The following TANGO6 variants were observed in gnomAD, a reference collection of about 807,000 sequenced individuals.
TANGO6 encodes the protein transport and Golgi organization protein 6 homolog.
In TANGO6, 90 loss-of-function variants were observed where a neutral mutation model predicts 114.2. That is an observed-to-expected ratio of 0.79 (90% CI 0.66 to 0.94). The LOEUF is 0.94. TANGO6 is among the 40% of genes least tolerant of loss of function. The pLI is 0.00. For synonymous variants in TANGO6, 477 were observed against 509.8 expected (o/e 0.94, Z 0.87); for missense variants, 1,274 against 1,315.3 (o/e 0.97, Z 0.49).
rs891682315 is a variant in TANGO6 at position 68,860,288 on chromosome 16, G to C, written c.499G>C (p.Val167Leu). The stretch of plus-strand genomic sequence containing the variant: ...CCCCTATCTCATGCCTGGTGTTGGA[G>C]TCCCTTTGAGATATAGAACTGAATT... ...ICPYLMPGVGVPLRYRTEFGA... is the reference protein window; with the variant it reads ...ICPYLMPGVGLPLRYRTEFGA... Residue 167 changes from valine (V) to leucine (L), a missense_variant, in exon 2 of 18, where the codon GTC (valine) becomes CTC (leucine). Val to Leu is a conservative substitution (Grantham distance 32). Transcript: ENST00000261778. 4 of 1,613,970 alleles carry C rather than the reference G, an allele frequency of 2.5e-6. No homozygotes were observed. The highest frequency in any genetic ancestry group is 3.4e-6 in the Non-Finnish European group (4 of 1,179,896).
chr16:68,934,669 A>T (rs552592114), intron 14 of TANGO6, among the ~76,000 whole-genome samples: 1 of 152,312 alleles, frequency 6.6e-6, no homozygotes, highest in East Asian at 1.9e-4. Flanking sequence ...AAGTGCTTAT[A>T]ATTCAGAAGT....
intron 17 of TANGO6, among the ~76,000 whole-genome samples, chr16:69,049,270 T>A (rs1332393116): frequency 5.3e-5 from 8 of 149,854 alleles, no homozygotes; most frequent in Non-Finnish European, 5.9e-5. Context: ...CCCAAGCCCC[T>A]AGCAATCACT....
chr16:68,880,442 T>C, intron 6 of TANGO6, 106 bp from the exon 7 acceptor site: 1 of 651,574 alleles, frequency 1.5e-6, no homozygotes, highest in Non-Finnish European at 2.6e-6. Flanking sequence ...TGATCTTAGG[T>C]GTTACTTACT....
In TANGO6 at chr16:68,878,235, C is replaced by T; in HGVS notation, c.1249C>T (p.Leu417Phe). 1.2e-6 allele frequency: 2 copies of T among 1,613,026 alleles called. No homozygotes were observed. Among genetic ancestry groups the T allele is most frequent in the Non-Finnish European group, 1.7e-6 (2 of 1,179,522 alleles). Residue 417 changes from leucine (L) to phenylalanine (F), a missense_variant, in exon 6 of 18, where the codon CTC (leucine) becomes TTC (phenylalanine). By Grantham distance (22) the Leu-to-Phe change is conservative. This residue lies in a region of TANGO6 where 908 missense variants were observed against 910.2 expected (regional missense o/e 1.00). Coordinates refer to ENST00000261778, the MANE Select transcript of TANGO6 (RefSeq NM_024562.2). Reference protein sequence around the residue: ...ERPHLAAKYLLQPVLAPLHRC... With the variant: ...ERPHLAAKYLFQPVLAPLHRC... ...CCCACATTTGGCAGCAAAGTATTTG[C>T]TCCAGCCAGTGTTAGCTCCTCTTCA...
chr16:69,018,565 C>A (rs1171036995), intron 15 of TANGO6, among the ~76,000 whole-genome samples: 1 of 151,902 alleles, frequency 6.6e-6, no homozygotes, highest in Non-Finnish European at 1.5e-5. Context: ...AAGTTAACTC[C>A]TTTGTCTTAG....
Position 68,985,980 on chromosome 16 carries a change from G to A in TANGO6, c.2842+11812G>A, listed in dbSNP as rs553051623. On this transcript the variant is annotated intron_variant, in intron 15 of 17. Coordinates refer to ENST00000261778, the MANE Select transcript of TANGO6 (RefSeq NM_024562.2). ...CCCAGAATCAAGGAACCTGTCAGGG[G>A]AGGTGGGTGGGTGGAAGAGGGGAGA... 3.9e-5 allele frequency among the ~76,000 whole-genome samples: 6 copies of A among 152,284 alleles called. No individual in the cohort carries two copies. In the East Asian group the frequency reaches 1.2e-3, roughly 29 times the overall value.
At chr16:69,073,573 G>C (rs974705995) in intron 17 of TANGO6, among the ~76,000 whole-genome samples, 1 of 152,218 alleles carries the variant, frequency 6.6e-6, no homozygotes, top group Non-Finnish European at 1.5e-5. Context: ...GGCAATAGCG[G>C]TGGAGAGTCA....
At chr16:68,925,713 A>G (rs186764970) in intron 12 of TANGO6, among the ~76,000 whole-genome samples, 28 of 152,128 alleles carry the variant, frequency 1.8e-4, no homozygotes, top group African/African-American at 5.5e-4. Flanking sequence ...ATTTTCTACT[A>G]TGTTAACTTG....
rs776619779 is a variant in TANGO6, at chr16:68,860,258, A to T, written c.469A>T (p.Ile157Phe). ...TTTGCAGTTTGTAGTTACCTTGGGT[A>T]TCTGCCCCTATCTCATGCCTGGTGT... ...FVLQFVVTLG[I>F]CPYLMPGVGV... The change falls in exon 2 of 18, where the codon ATC (isoleucine) becomes TTC (phenylalanine). Residue 157 changes from isoleucine to phenylalanine, a missense_variant. Coordinates refer to ENST00000261778, the MANE Select transcript of TANGO6 (RefSeq NM_024562.2). 2 of 1,613,994 alleles carry T rather than the reference A, an allele frequency of 1.2e-6. No individual in the cohort carries two copies. Among genetic ancestry groups the T allele is most frequent in the Admixed American group, 3.3e-5 (2 of 60,014 alleles).
At chr16:68,973,851 A>G in intron 14 of TANGO6, 177 bp from the exon 15 acceptor site, 2 of 651,438 alleles carry the variant, frequency 3.1e-6, no homozygotes, top group Non-Finnish European at 5.3e-6. Context: ...CTCAACTACC[A>G]GGCCCATCTT....
intron 15 of TANGO6, 68 bp downstream of exon 15, chr16:68,974,236 G>A: frequency 1.9e-6 from 3 of 1,587,732 alleles, no homozygotes; most frequent in Non-Finnish European, 8.6e-7. Context: ...ACCAAAATGT[G>A]TGTACCTGGG....
At chr16:68,848,369 A>T (rs901298155) in intron 1 of TANGO6, among the ~76,000 whole-genome samples, 1 of 152,206 alleles carries the variant, frequency 6.6e-6, no homozygotes, top group African/African-American at 2.4e-5. Flanking sequence ...AAAGAAGAAA[A>T]TTAAAATTAC....
intron 14 of TANGO6, chr16:68,948,061 C>T (rs1055686258): frequency 1.3e-5 from 2 of 151,918 alleles, no homozygotes; most frequent in Non-Finnish European, 2.9e-5. Flanking sequence ...CTTTCCCTCT[C>T]CCAAGCCAGA....
intron 17 of TANGO6, among the ~76,000 whole-genome samples, chr16:69,045,879 C>T (rs1959849092): frequency 6.6e-6 from 1 of 151,446 alleles, no homozygotes; most frequent in Non-Finnish European, 1.5e-5. Flanking sequence ...GCCTGGCCAA[C>T]ATAGTGAAAC....
chr16:68,942,082 C>G (rs1055104568), intron 14 of TANGO6, among the ~76,000 whole-genome samples: 1 of 152,136 alleles, frequency 6.6e-6, no homozygotes, highest in African/African-American at 2.4e-5. Context: ...GTAATCCCAG[C>G]ACTTTGAGAG....
intron 17 of TANGO6, 71 bp downstream of exon 17, chr16:69,040,492 C>A: frequency 7.8e-7 from 1 of 1,275,154 alleles, no homozygotes; most frequent in Non-Finnish European, 1.1e-6. Flanking sequence ...CTTCCTTTTA[C>A]CAGGGAAGGC....
intron 11 of TANGO6, among the ~76,000 whole-genome samples, chr16:68,914,586 A>G (rs1409404031): frequency 6.6e-6 from 1 of 152,204 alleles, no homozygotes; most frequent in Non-Finnish European, 1.5e-5. Context: ...ATAAGCTTTC[A>G]GGAATATTTG....
At chr16:69,020,388 T>C (rs988779652) in intron 15 of TANGO6, among the ~76,000 whole-genome samples, 1 of 152,218 alleles carries the variant, frequency 6.6e-6, no homozygotes, top group Non-Finnish European at 1.5e-5. Flanking sequence ...AAGGAATTTA[T>C]AGTCTTATGG....
intron 16 of TANGO6, among the ~76,000 whole-genome samples, chr16:69,024,689 A>G (rs1959469528): frequency 6.6e-6 from 1 of 152,236 alleles, no homozygotes; most frequent in Admixed American, 6.5e-5. Flanking sequence ...TAGACAGAAA[A>G]AGACTAGTTA....
Sources: gnomAD v4.1 joint callset for allele counts (sites outside exome capture counted in the v4.1 genomes callset) on GRCh38, gnomAD v4.1.1 for gene constraint, gnomAD v4.1.1 regional missense constraint, MANE v1.5 for transcripts, NCBI Gene and HGNC (gene_info 2026-07-23, HGNC 2026-07-21) for gene names.